The following GRHL2 variants were observed in gnomAD, a reference collection of about 807,000 sequenced individuals.
GRHL2 encodes grainyhead-like protein 2 homolog.
A neutral mutation model predicts 83.8 loss-of-function variants in GRHL2; 21 were observed. That is an observed-to-expected ratio of 0.25 (90% CI 0.18 to 0.36). The LOEUF (loss-of-function observed/expected upper bound fraction) is 0.36, where lower values mean the gene tolerates loss of function less well. Among genes scored for constraint, GRHL2 ranks in the 10% least tolerant of loss-of-function variants. The pLI is 1.00. For missense variants in GRHL2, 623 were observed against 781.8 expected, an observed-to-expected ratio of 0.80 and a Z score of 2.42; for synonymous variants, 280 against 278.9, an observed-to-expected ratio of 1.00 and a Z score of -0.04.
intron 7 of GRHL2, among the ~76,000 whole-genome samples, 196 bp from the exon 8 acceptor site, chr8:101,598,861 G>A (rs1292069659): frequency 1.3e-5 from 2 of 152,122 alleles, no homozygotes; most frequent in Non-Finnish European, 2.9e-5. Context: ...TCTTTTAATA[G>A]AGGAACACGC....
intron 13 of GRHL2, among the ~76,000 whole-genome samples, chr8:101,648,817 A>G (rs1813563977): frequency 2.0e-5 from 3 of 151,928 alleles, no homozygotes; most frequent in Non-Finnish European, 2.9e-5. Context: ...ACAATTCACA[A>G]CTTGGATCTC....
intron 8 of GRHL2, among the ~76,000 whole-genome samples, chr8:101,610,448 G>A (rs1812725301): frequency 6.6e-6 from 1 of 150,724 alleles, no homozygotes; most frequent in Non-Finnish European, 1.5e-5. Context: ...AGGAGCATTA[G>A]GGAGGTAAAA....
At chr8:101,576,254 C>T (rs1811930905) in intron 6 of GRHL2, among the ~76,000 whole-genome samples, 1 of 152,144 alleles carries the variant, frequency 6.6e-6, no homozygotes, top group Non-Finnish European at 1.5e-5. Context: ...CTCTCTGTCA[C>T]CCAGGCTGGA....
intron 1 of GRHL2, among the ~76,000 whole-genome samples, chr8:101,496,049 G>C (rs1234159448): frequency 6.6e-6 from 1 of 151,552 alleles, no homozygotes; most frequent in Non-Finnish European, 1.5e-5. Context: ...TTGGGAGGCT[G>C]AGGCAGGAGA....
intron 7 of GRHL2, among the ~76,000 whole-genome samples, chr8:101,597,458 A>C (rs1812413939): frequency 6.6e-6 from 1 of 152,212 alleles, no homozygotes; most frequent in Non-Finnish European, 1.5e-5. Context: ...AGATTGGATT[A>C]AGAAAATGTG....
At chr8:101,637,994 T>C (rs1407652901) in intron 12 of GRHL2, among the ~76,000 whole-genome samples, 1 of 152,222 alleles carries the variant, frequency 6.6e-6, no homozygotes, top group Non-Finnish European at 1.5e-5. Context: ...AATAAATATA[T>C]GTTCTGAACC....
rs114426973 is a variant in GRHL2, at chr8:101,555,492, T to C, written c.284+2710T>C. On this transcript the variant is annotated intron_variant, in intron 3 of 15. Coordinates refer to ENST00000646743, the MANE Select transcript of GRHL2 (RefSeq NM_024915.4). ...TCATGATGGACTCTTTTTTTGTGTG[T>C]ATGTGAGGAATATCTATTAACATTC... 6.7e-3 allele frequency among the ~76,000 whole-genome samples: 1,027 copies of C among 152,322 alleles called. 10 individuals carry two copies. Among genetic ancestry groups the C allele is most frequent in the African/African-American group, 0.023 (974 of 41,562 alleles).
the GRHL2 span, among the ~76,000 whole-genome samples, chr8:101,677,951 C>T: frequency 0.26 from 39,383 of 151,982 alleles, 5,592 homozygotes; most frequent in African/African-American, 0.35. Context: ...GTGGATTTGA[C>T]TGATATTCTA....
the GRHL2 span, among the ~76,000 whole-genome samples, chr8:101,678,792 G>A: frequency 1.3e-5 from 2 of 152,054 alleles, no homozygotes; most frequent in African/African-American, 4.8e-5. Flanking sequence ...GCCTAACTGG[G>A]AGGCACCCCC....
At chr8:101,581,819 G>T (rs548609333) in intron 7 of GRHL2, among the ~76,000 whole-genome samples, 2 of 152,152 alleles carry the variant, frequency 1.3e-5, no homozygotes, top group African/African-American at 2.4e-5. Context: ...ATAGAAGAGC[G>T]CTTCCCAGAG....
At chr8:101,565,554 ATGTG>A in intron 4 of GRHL2, among the ~76,000 whole-genome samples, 1 of 152,232 alleles carries the variant, frequency 6.6e-6, no homozygotes, top group South Asian at 2.1e-4. Flanking sequence ...TATCATCTCT[ATGTG>A]TGGTTTCTAG....
intron 14 of GRHL2, among the ~76,000 whole-genome samples, chr8:101,657,412 G>A (rs1813816190): frequency 6.6e-6 from 1 of 152,064 alleles, no homozygotes; most frequent in Admixed American, 6.6e-5. Flanking sequence ...ATAACATATT[G>A]ATGAGATATC....
rs1244182542 is a variant in GRHL2 at position 101,590,756 on chromosome 8, T to A, written c.1004-8301T>A. ...CCCAAATATATAAACTATGTCGAGC[T>A]CTCAGCTTTTGTTAAAAGCATCTTA... On this transcript the variant is annotated intron_variant, in intron 7 of 15. Transcript: ENST00000646743. Among the ~76,000 whole-genome samples, 5 of 152,256 alleles carry A rather than the reference T, an allele frequency of 3.3e-5. No homozygotes were observed. The East Asian group carries it at 7.7e-4, about 23-fold the overall frequency.
intron 1 of GRHL2, among the ~76,000 whole-genome samples, chr8:101,519,597 CAAA>C (rs1810642594): frequency 7.9e-6 from 1 of 126,346 alleles, no homozygotes; most frequent in African/African-American, 3.1e-5. Context: ...TATGAAACAA[CAAA>C]AAACAATTGT....
downstream of GRHL2, among the ~76,000 whole-genome samples, chr8:101,674,547 G>C (rs536180562): frequency 2.0e-5 from 3 of 152,162 alleles, no homozygotes; most frequent in Non-Finnish European, 4.4e-5. Context: ...AACAGGCTCT[G>C]AAATTGAGGC....
rs371662487 is a variant in GRHL2 at position 101,612,520 on chromosome 8, G to GATAGATACATATATAC, written c.1099-7016_1099-7015insGATACATATATACATA. Among the ~76,000 whole-genome samples, 30 of 123,774 alleles carry GATAGATACATATATAC rather than the reference G, an allele frequency of 2.4e-4. No homozygotes were observed. In the East Asian group the frequency reaches 6.6e-3, roughly 27 times the overall value. 81.2% of individuals were successfully genotyped at this position (123,774 alleles called of 152,430 possible). ...AGATAGATAGATAGATAGATAGATA[G>GATAGATACATATATAC]ATACATACATACATACATACATACA... is the stretch of plus-strand genomic sequence containing the variant. On this transcript the variant is annotated intron_variant, in intron 8 of 15. Transcript: ENST00000646743.
intron 4 of GRHL2, among the ~76,000 whole-genome samples, chr8:101,559,305 C>A: frequency 7.7e-6 from 1 of 130,056 alleles, no homozygotes; most frequent in Admixed American, 9.8e-5. Flanking sequence ...GCCAGGAGTT[C>A]AAGACCAGCC....
chr8:101,668,610 TCTGA>T lies in GRHL2; in HGVS notation c.*1911_*1914del, dbSNP rs1384023091. 1 of 153,028 alleles carries T rather than the reference TCTGA, an allele frequency of 6.5e-6. No individual in the cohort carries two copies. The highest frequency in any genetic ancestry group is 1.5e-5 in the Non-Finnish European group (1 of 68,494). The allele number at this position is 153,028 out of a possible 1,614,324, so 9.5% of individuals were successfully genotyped here. On this transcript the variant is annotated 3_prime_UTR_variant, in exon 16 of 16. Transcript: ENST00000646743. ...TCCAGTCTGTCCCCTCCTCCTCCAC[TCTGA>T]CTGCCACGCCCCGGACCAGCAGCTT...
chr8:101,637,061 G>A lies in GRHL2; in HGVS notation c.1517+133G>A, dbSNP rs543685800. 6.3e-4 allele frequency: 532 copies of A among 839,594 alleles called. 2 individuals carry two copies. The highest frequency in any genetic ancestry group is 9.6e-4 in the South Asian group (72 of 74,856). 52.0% of individuals were successfully genotyped at this position (839,594 alleles called of 1,614,324 possible). Reference sequence around the variant, plus strand: ...ACCTCAGGACTCAGAGCTGAGAGACGCTTGATTCTGGGGACCATCTGGGAG... The same window carrying A: ...ACCTCAGGACTCAGAGCTGAGAGACACTTGATTCTGGGGACCATCTGGGAG... On this transcript the variant is annotated intron_variant, in intron 12 of 15. Coordinates refer to ENST00000646743, the MANE Select transcript of GRHL2 (RefSeq NM_024915.4).
Sources: gnomAD v4.1 joint callset for allele counts (sites outside exome capture counted in the v4.1 genomes callset) on GRCh38, gnomAD v4.1.1 for gene constraint, MANE v1.5 for transcripts, NCBI Gene and HGNC (gene_info 2026-07-23, HGNC 2026-07-21) for gene names.